DTHD1: variants seen among roughly 807,000 people sequenced by gnomAD.
The protein encoded by DTHD1 is death domain-containing protein 1.
DTHD1 carries 59 observed loss-of-function variants against 74.8 expected under a neutral mutation model. That is an observed-to-expected ratio of 0.79 (90% CI 0.64 to 0.98). The LOEUF (loss-of-function observed/expected upper bound fraction) is 0.98. Among genes scored for constraint, DTHD1 ranks in the 50% least tolerant of loss-of-function variants. The probability of loss-of-function intolerance (pLI) is 0.00; values close to 1 mark genes in which losing one functional copy is unlikely to be tolerated. For synonymous variants in DTHD1, 365 were observed against 371.1 expected (o/e 0.98, Z 0.19); for missense variants, 1,051 against 1,065.4 (o/e 0.99, Z 0.19).
At chr4:36,333,414 G>A (rs1432342001) in intron 8 of DTHD1, 1 of 152,148 alleles carries the variant, frequency 6.6e-6, no homozygotes, top group African/African-American at 2.4e-5. Flanking sequence ...TCAGGGCACA[G>A]TCAATATTAC....
At position 36,346,129 on chromosome 4, in the gene DTHD1, CAT is replaced by C. The variant is rs947742463; in HGVS notation, c.*2309_*2310del. ...TGCACACACACACACCCCTCACACA[CAT>C]ATAGTTTCAGATCCACTTGTACACT... On this transcript the variant is annotated 3_prime_UTR_variant, in exon 10 of 10. Coordinates refer to ENST00000639862, the MANE Select transcript of DTHD1 (RefSeq NM_001170700.3). Among the ~76,000 whole-genome samples, 12 of 151,932 alleles carry C rather than the reference CAT, an allele frequency of 7.9e-5. No individual in the cohort carries two copies. Among genetic ancestry groups the C allele is most frequent in the African/African-American group, 1.9e-4 (8 of 41,374 alleles).
intron 2 of DTHD1, among the ~76,000 whole-genome samples, chr4:36,286,311 C>T (rs906857684): frequency 2.6e-5 from 4 of 152,184 alleles, no homozygotes; most frequent in African/African-American, 9.7e-5. Flanking sequence ...GAACTACTCC[C>T]TCTAACACCT....
At chr4:36,334,358 G>GTTTT (rs34455692) in intron 8 of DTHD1, among the ~76,000 whole-genome samples, 1 of 138,904 alleles carries the variant, frequency 7.2e-6, no homozygotes. Flanking sequence ...ATTTTTTTTG[G>GTTTT]TTTTTTTTTT....
chr4:36,293,232 A>G (rs1756185981), intron 3 of DTHD1, among the ~76,000 whole-genome samples: 5 of 151,978 alleles, frequency 3.3e-5, no homozygotes, highest in Admixed American at 3.3e-4. Context: ...CATATTTGTG[A>G]AAACACTGAA....
intron 8 of DTHD1, among the ~76,000 whole-genome samples, chr4:36,336,856 C>T (rs769094550): frequency 9.9e-5 from 15 of 152,282 alleles, no homozygotes; most frequent in Middle Eastern, 3.4e-3. Context: ...TACTCAGTTA[C>T]AGAGTTAGAC....
chr4:36,300,187 C>T (rs955907471), intron 5 of DTHD1, among the ~76,000 whole-genome samples: 2 of 152,182 alleles, frequency 1.3e-5, no homozygotes, highest in Admixed American at 1.3e-4. Flanking sequence ...CTTTTGCTTG[C>T]AAGCATGCAG....
At position 36,345,066 on chromosome 4, in the gene DTHD1, CA is replaced by C. The variant is rs1759521164; in HGVS notation, c.*1243del. ...TTGTTATTAGCGAAATGAGGCAGTG[CA>C]GAGAAAATAAGTTATCAGTGAAAGA... On this transcript the variant is annotated 3_prime_UTR_variant, in exon 10 of 10. Transcript: ENST00000639862. 1 of 151,984 alleles carries C rather than the reference CA, an allele frequency of 6.6e-6. No individual in the cohort carries two copies. The allele number at this position is 151,984 out of a possible 1,614,324, so 9.4% of individuals were successfully genotyped here. A position where few individuals can be genotyped will look rare whatever the true frequency, so the allele number is the denominator to read the frequency against.
intron 8 of DTHD1, among the ~76,000 whole-genome samples, chr4:36,335,243 G>A (rs531298991): frequency 2.2e-4 from 33 of 152,130 alleles, no homozygotes; most frequent in African/African-American, 8.0e-4. Flanking sequence ...TTTTTTGAGG[G>A]GGGGTGCTCT....
rs754339190 is a variant in DTHD1, at chr4:36,294,994, G to A, written c.1598G>A (p.Arg533Lys). Residue 533 changes from arginine to lysine, a missense_variant, in exon 5 of 10, where the codon AGA (arginine) becomes AAA (lysine). Transcript: ENST00000639862. ...NLGSEIDHKR[R>K]ASATINRITP... ...GGTTCTGAGATAGATCATAAAAGAAGAGCAAGTGCCACAATAAATAGGATT... is the reference window on the plus strand; with the variant it reads ...GGTTCTGAGATAGATCATAAAAGAAAAGCAAGTGCCACAATAAATAGGATT... 5.2e-6 allele frequency: 8 copies of A among 1,550,800 alleles called. No individual in the cohort carries two copies. The Admixed American group carries it at 7.9e-5, about 15-fold the overall frequency.
Position 36,344,869 on chromosome 4 carries a change from A to T in DTHD1, c.*1045A>T, listed in dbSNP as rs1456232613. ...CATAGATACCATAGAGCCTACAGTA[A>T]ACAATACAAAATAAATTGGACTGAA... On this transcript the variant is annotated 3_prime_UTR_variant, in exon 10 of 10. Transcript: ENST00000639862. 6.6e-6 allele frequency: 1 copy of T among 152,154 alleles called. No homozygotes were observed. The highest frequency in any genetic ancestry group is 1.5e-5 in the Non-Finnish European group (1 of 68,016). The allele number at this position is 152,154 out of a possible 1,614,324, so 9.4% of individuals were successfully genotyped here. A position where few individuals can be genotyped will look rare whatever the true frequency, so the allele number is the denominator to read the frequency against.
intron 8 of DTHD1, among the ~76,000 whole-genome samples, chr4:36,329,361 CA>C (rs1758535602): frequency 6.6e-6 from 1 of 152,142 alleles, no homozygotes. Flanking sequence ...AATACTTTGC[CA>C]CTTCTGAATA....
At chr4:36,296,807 TTA>T (rs1214708049) in intron 5 of DTHD1, among the ~76,000 whole-genome samples, 2 of 152,022 alleles carry the variant, frequency 1.3e-5, no homozygotes, top group Admixed American at 6.6e-5. Context: ...TTACTATGCT[TTA>T]TATAGTTGAT....
At chr4:36,299,622 G>C (rs1756641943) in intron 5 of DTHD1, among the ~76,000 whole-genome samples, 1 of 152,082 alleles carries the variant, frequency 6.6e-6, no homozygotes, top group Non-Finnish European at 1.5e-5. Context: ...TCCATTGTAT[G>C]CACTCTGTCC....
Position 36,306,104 on chromosome 4 carries a change from G to A in DTHD1, c.1644-87G>A, listed in dbSNP as rs981241781. The stretch of plus-strand genomic sequence containing the variant: ...GTATGTACTTAATGAATTGTTATTA[G>A]ATCATTCACAATGAAAGAATGAATG... On this transcript the variant is annotated intron_variant, in intron 5 of 9. Transcript: ENST00000639862. 4.2e-5 allele frequency: 51 copies of A among 1,203,114 alleles called. 1 individual carries two copies. In the South Asian group the frequency reaches 7.5e-4, roughly 18 times the overall value. The allele number at this position is 1,203,114 out of a possible 1,614,324, so 74.5% of individuals were successfully genotyped here.
At chr4:36,291,028 C>T (rs974619484) in intron 3 of DTHD1, among the ~76,000 whole-genome samples, 1 of 152,082 alleles carries the variant, frequency 6.6e-6, no homozygotes, top group Non-Finnish European at 1.5e-5. Context: ...TATGATGGAC[C>T]CTTGTCTAAA....
chr4:36,318,059 T>C (rs1757830864), intron 8 of DTHD1, among the ~76,000 whole-genome samples: 1 of 152,244 alleles, frequency 6.6e-6, no homozygotes, highest in Admixed American at 6.5e-5. Context: ...ACATGCATTG[T>C]ATCACTAAAC....
chr4:36,316,720 C>T (rs1176064532), intron 8 of DTHD1, among the ~76,000 whole-genome samples: 1 of 152,198 alleles, frequency 6.6e-6, no homozygotes, highest in Non-Finnish European at 1.5e-5. Context: ...CTGGTCCCCA[C>T]AGCATGTTGT....
chr4:36,314,075 T>C (rs1048429017), intron 7 of DTHD1, among the ~76,000 whole-genome samples: 1 of 149,338 alleles, frequency 6.7e-6, no homozygotes, highest in Admixed American at 6.6e-5. Context: ...ATCTGTTTTT[T>C]TTTTTTTTCT....
At chr4:36,299,477 A>G (rs1337564338) in intron 5 of DTHD1, among the ~76,000 whole-genome samples, 2 of 152,150 alleles carry the variant, frequency 1.3e-5, no homozygotes, top group Admixed American at 1.3e-4. Flanking sequence ...TTTTGCGTCT[A>G]TGTATGATCT....
Sources: gnomAD v4.1 joint callset for allele counts (sites outside exome capture counted in the v4.1 genomes callset) on GRCh38, gnomAD v4.1.1 for gene constraint, MANE v1.5 for transcripts, NCBI Gene and HGNC (gene_info 2026-07-23, HGNC 2026-07-21) for gene names.